CADPS2: variants seen among roughly 807,000 people sequenced by gnomAD.
The protein encoded by CADPS2 is calcium-dependent secretion activator 2.
A neutral mutation model predicts 172.5 loss-of-function variants in CADPS2; 93 were observed. That is an observed-to-expected ratio of 0.54 (90% CI 0.46 to 0.64). The LOEUF (loss-of-function observed/expected upper bound fraction) is 0.64, where lower values mean the gene tolerates loss of function less well. Among genes scored for constraint, CADPS2 ranks in the 30% least tolerant of loss-of-function variants. The pLI, the probability that CADPS2 is intolerant of heterozygous loss-of-function variation, is 0.00. For synonymous variants in CADPS2, 546 were observed against 555.2 expected, an observed-to-expected ratio of 0.98 and a Z score of 0.23; for missense variants, 1,420 against 1,565.9, an observed-to-expected ratio of 0.91 and a Z score of 1.57.
chr7:122,579,914 C>T (rs1349036023), intron 7 of CADPS2, among the ~76,000 whole-genome samples: 1 of 151,172 alleles, frequency 6.6e-6, no homozygotes, highest in Admixed American at 6.6e-5. Flanking sequence ...CTTACAAATC[C>T]CTAGAAATAG....
chr7:122,541,087 C>A (rs1306836714), intron 8 of CADPS2, among the ~76,000 whole-genome samples: 1 of 151,106 alleles, frequency 6.6e-6, no homozygotes, highest in East Asian at 1.9e-4. Context: ...CACAGAGAAA[C>A]AAAAATATGT....
At chr7:122,441,130 T>A (rs2051294593) in intron 16 of CADPS2, among the ~76,000 whole-genome samples, 1 of 152,082 alleles carries the variant, frequency 6.6e-6, no homozygotes, top group African/African-American at 2.4e-5. Context: ...CTTGTTGGCA[T>A]GAGGACTACG....
At chr7:122,569,517 A>T (rs1352622322) in intron 7 of CADPS2, among the ~76,000 whole-genome samples, 1 of 147,734 alleles carries the variant, frequency 6.8e-6, no homozygotes, top group African/African-American at 2.6e-5. Flanking sequence ...TCTTCACAGA[A>T]TTGGAAAAAA....
At chr7:122,790,026 G>GTTTTTTTTTTTTT (rs771290127) in intron 1 of CADPS2, among the ~76,000 whole-genome samples, 4 of 141,076 alleles carry the variant, frequency 2.8e-5, no homozygotes, top group African/African-American at 2.7e-5. Flanking sequence ...CAAATATTAA[G>GTTTTTTTTTTTTT]TGTTTTTTTT....
intron 3 of CADPS2, among the ~76,000 whole-genome samples, chr7:122,660,935 C>T (rs2080460372): frequency 6.6e-6 from 1 of 151,750 alleles, no homozygotes; most frequent in African/African-American, 2.4e-5. Context: ...ACTTCAAGAC[C>T]CAATTGCACA....
At chr7:122,504,335 C>A (rs1226882933) in intron 9 of CADPS2, among the ~76,000 whole-genome samples, 1 of 152,118 alleles carries the variant, frequency 6.6e-6, no homozygotes, top group Non-Finnish European at 1.5e-5. Context: ...CCTCCTCTCA[C>A]TTTATTCTTT....
intron 1 of CADPS2, among the ~76,000 whole-genome samples, chr7:122,758,770 A>AT (rs1394302238): frequency 6.6e-6 from 1 of 152,006 alleles, no homozygotes; most frequent in African/African-American, 2.4e-5. Flanking sequence ...TCACTCAATT[A>AT]TTTTTCTACC....
At chr7:122,565,640 A>G (rs1469837342) in intron 7 of CADPS2, among the ~76,000 whole-genome samples, 1 of 152,208 alleles carries the variant, frequency 6.6e-6, no homozygotes, top group South Asian at 2.1e-4. Flanking sequence ...CCATCAGGGA[A>G]TAAGAGTGTT....
chr7:122,853,984 C>T (rs1355228075), intron 1 of CADPS2, among the ~76,000 whole-genome samples: 1 of 152,168 alleles, frequency 6.6e-6, no homozygotes, highest in African/African-American at 2.4e-5. Context: ...GTCCTTCCTT[C>T]AAAGAGCCTA....
intron 24 of CADPS2, among the ~76,000 whole-genome samples, chr7:122,386,110 C>T (rs949189368): frequency 6.6e-6 from 1 of 151,908 alleles, no homozygotes; most frequent in African/African-American, 2.4e-5. Flanking sequence ...TTAGTGTTTT[C>T]ATGAATCTTT....
chr7:122,387,095 A>G lies in CADPS2; in HGVS notation c.3243T>C (p.Thr1081=). 6.4e-7 allele frequency: 1 copy of G among 1,566,706 alleles called. No individual in the cohort carries two copies. Among genetic ancestry groups the G allele is most frequent in the Non-Finnish European group, 8.7e-7 (1 of 1,153,572 alleles). ...TDLRIPASVC[T]MFNVLVDAKK... is the part of the protein sequence containing the mutation. The stretch of plus-strand genomic sequence containing the variant: ...TGGCATCGACTAATACATTAAACAT[A>G]GTGCAAACGGAAGCTGGAATGCGCA... Residue 1081 remains threonine (T), a synonymous_variant, in exon 24 of 30, where the codon ACT becomes ACC. Coordinates refer to ENST00000449022, the MANE Select transcript of CADPS2 (RefSeq NM_017954.11).
chr7:122,562,727 T>C (rs959921413), intron 7 of CADPS2, among the ~76,000 whole-genome samples: 4 of 152,186 alleles, frequency 2.6e-5, no homozygotes, highest in East Asian at 1.9e-4. Flanking sequence ...TTTTTACATA[T>C]TGATTTCTAT....
At chr7:122,633,891 A>G (rs2076809399) in intron 3 of CADPS2, among the ~76,000 whole-genome samples, 1 of 152,146 alleles carries the variant, frequency 6.6e-6, no homozygotes, top group Admixed American at 6.6e-5. Context: ...GAAGGTTTTT[A>G]TCATAAAGGA....
intron 1 of CADPS2, among the ~76,000 whole-genome samples, chr7:122,800,564 C>A (rs570479309): frequency 4.6e-5 from 7 of 152,022 alleles, no homozygotes; most frequent in Admixed American, 3.9e-4. Context: ...CTGTTAACTG[C>A]CTGGGAACTA....
At position 122,809,178 on chromosome 7, in the gene CADPS2, T is replaced by C. The variant is rs559146146; in HGVS notation, c.340-72110A>G. On this transcript the variant is annotated intron_variant, in intron 1 of 29. Coordinates refer to ENST00000449022, the MANE Select transcript of CADPS2 (RefSeq NM_017954.11). ...TTTTAAAATACCAAAATGGCAAAGTTAAAAATATGGCAAGGGTCTAAGACA... is the reference window on the plus strand; with the variant it reads ...TTTTAAAATACCAAAATGGCAAAGTCAAAAATATGGCAAGGGTCTAAGACA... Among the ~76,000 whole-genome samples, 3 of 152,216 alleles carry C rather than the reference T, an allele frequency of 2.0e-5. No homozygotes were observed. The South Asian group carries it at 6.2e-4, about 32-fold the overall frequency.
chr7:122,551,440 A>G (rs1236628195), intron 8 of CADPS2, among the ~76,000 whole-genome samples: 1 of 152,070 alleles, frequency 6.6e-6, no homozygotes, highest in African/African-American at 2.4e-5. Flanking sequence ...ACACACAGAA[A>G]AATATAAATA....
chr7:122,738,643 TGGCTCAAAAAGAA>T, intron 1 of CADPS2, among the ~76,000 whole-genome samples: 1 of 152,158 alleles, frequency 6.6e-6, no homozygotes, highest in East Asian at 1.9e-4. Context: ...TGGTATGACT[TGGCTCAAAAAGAA>T]GGCTGATGTG....
intron 7 of CADPS2, among the ~76,000 whole-genome samples, chr7:122,569,316 G>A (rs374557120): frequency 1.3e-5 from 2 of 151,878 alleles, no homozygotes; most frequent in South Asian, 2.1e-4. Context: ...TAGGAATCCA[G>A]CTTACAAGGG....
chr7:122,427,807 A>T (rs1158562804), intron 17 of CADPS2, among the ~76,000 whole-genome samples: 6 of 152,128 alleles, frequency 3.9e-5, no homozygotes, highest in Non-Finnish European at 8.8e-5. Flanking sequence ...AAGTTCTTTA[A>T]AAAACTAGAA....
Sources: allele counts gnomAD v4.1 joint callset (sites outside exome capture counted in the v4.1 genomes callset), GRCh38; gene constraint gnomAD v4.1.1; transcripts MANE v1.5; gene names NCBI Gene and HGNC (gene_info 2026-07-23, HGNC 2026-07-21).